The following PARD3B variants were observed in gnomAD, a reference collection of about 807,000 sequenced individuals.
The protein encoded by PARD3B is par-3 family cell polarity regulator beta.
Under a neutral mutation model 130.2 loss-of-function variants are expected in PARD3B, and 103 were observed. That is an observed-to-expected ratio of 0.79 (90% CI 0.67 to 0.93). The LOEUF is 0.93. Ranked by LOEUF, PARD3B falls within the 40% of genes least tolerant of loss-of-function variation. PARD3B has a pLI of 0.00. For synonymous variants in PARD3B, 583 were observed against 553.2 expected (o/e 1.05, Z -0.76); for missense variants, 1,609 against 1,499.2 (o/e 1.07, Z -1.21).
At position 205,130,128 on chromosome 2, in the gene PARD3B, C is replaced by T. The variant is rs139167039; in HGVS notation, c.1434+4391C>T. ...AAGATAATCTTTCCAGAATCCCATTCTGAAAGATCCTTTGGTGTCCTCACC... is the reference window on the plus strand; with the variant it reads ...AAGATAATCTTTCCAGAATCCCATTTTGAAAGATCCTTTGGTGTCCTCACC... On this transcript the variant is annotated intron_variant, in intron 10 of 22. Transcript: ENST00000406610. Among the ~76,000 whole-genome samples the T allele has an allele frequency of 3.0e-3, 452 of 152,262 alleles. 4 individuals are homozygous for T. The highest frequency in any genetic ancestry group is 0.011 in the African/African-American group (439 of 41,548).
intron 1 of PARD3B, among the ~76,000 whole-genome samples, chr2:204,683,308 GTCATAA>G (rs1253555815): frequency 6.6e-6 from 1 of 152,136 alleles, no homozygotes; most frequent in African/African-American, 2.4e-5. Context: ...CAAGTTAAGT[GTCATAA>G]TCATAAAAAT....
intron 1 of PARD3B, among the ~76,000 whole-genome samples, chr2:204,599,079 T>C (rs899684771): frequency 6.6e-6 from 1 of 152,030 alleles, no homozygotes; most frequent in Non-Finnish European, 1.5e-5. Flanking sequence ...ACATTGTTTT[T>C]TCTTTTTGCA....
At chr2:205,261,388 T>A (rs2105764105) in intron 16 of PARD3B, among the ~76,000 whole-genome samples, 1 of 152,296 alleles carries the variant, frequency 6.6e-6, no homozygotes, top group Admixed American at 6.5e-5. Context: ...CTTTGCAGAA[T>A]GAGTGAATGA....
At chr2:204,641,349 G>T (rs16836447) in intron 1 of PARD3B, among the ~76,000 whole-genome samples, 5,760 of 151,914 alleles carry the variant, frequency 0.038, 371 homozygotes, top group African/African-American at 0.13. Context: ...TGTGTTTTGG[G>T]GATAATGAAT....
intron 1 of PARD3B, among the ~76,000 whole-genome samples, chr2:204,591,360 A>G (rs2033066331): frequency 6.6e-6 from 1 of 152,314 alleles, no homozygotes; most frequent in East Asian, 1.9e-4. Flanking sequence ...TCTTTGGCCA[A>G]CCTCTGACCC....
chr2:204,935,144 T>TCC (rs1688319109), intron 2 of PARD3B, among the ~76,000 whole-genome samples: 1 of 121,808 alleles, frequency 8.2e-6, no homozygotes, highest in African/African-American at 3.0e-5. Context: ...TTGTTTTCCC[T>TCC]ACTTTTTTTT....
At chr2:204,882,621 C>T (rs1282561571) in intron 2 of PARD3B, among the ~76,000 whole-genome samples, 1 of 152,194 alleles carries the variant, frequency 6.6e-6, no homozygotes, top group Non-Finnish European at 1.5e-5. Context: ...CTATGGGCTA[C>T]AAACAAAGAG....
At chr2:205,074,701 G>A (rs1408161354) in intron 4 of PARD3B, among the ~76,000 whole-genome samples, 3 of 152,132 alleles carry the variant, frequency 2.0e-5, no homozygotes, top group Non-Finnish European at 4.4e-5. Context: ...ATTTACAAAT[G>A]TTGAGAGTGT....
intron 20 of PARD3B, among the ~76,000 whole-genome samples, chr2:205,490,333 A>G (rs563341870): frequency 1.3e-3 from 192 of 150,030 alleles, no homozygotes; most frequent in African/African-American, 4.5e-3. Flanking sequence ...CTCATTGTTC[A>G]ATTCCCACCT....
chr2:205,354,506 C>A (rs76974002), intron 18 of PARD3B, among the ~76,000 whole-genome samples: 91,241 of 151,320 alleles, frequency 0.6, 30,682 homozygotes, highest in South Asian at 0.77. Flanking sequence ...CTTTTTAGAG[C>A]TGGGGTCTCA....
At chr2:205,400,043 T>C (rs2046193192) in intron 18 of PARD3B, among the ~76,000 whole-genome samples, 1 of 152,150 alleles carries the variant, frequency 6.6e-6, no homozygotes, top group South Asian at 2.1e-4. Context: ...AGGTGTTCAA[T>C]AAGGCCTCTC....
At chr2:205,147,628 AT>A (rs1204685484) in intron 10 of PARD3B, among the ~76,000 whole-genome samples, 7 of 152,184 alleles carry the variant, frequency 4.6e-5, no homozygotes, top group Non-Finnish European at 8.8e-5. Flanking sequence ...ATGAAAAAAA[AT>A]GTCTGAATTA....
At chr2:204,670,486 A>G (rs111699550) in intron 1 of PARD3B, among the ~76,000 whole-genome samples, 1,937 of 152,120 alleles carry the variant, frequency 0.013, 38 homozygotes, top group African/African-American at 0.043. Context: ...GGTTTTTTCT[A>G]TTTTTCTCCA....
intron 2 of PARD3B, among the ~76,000 whole-genome samples, chr2:204,871,399 A>C (rs1204896637): frequency 2.0e-5 from 3 of 152,118 alleles, no homozygotes; most frequent in Non-Finnish European, 4.4e-5. Flanking sequence ...TTCAATTTTA[A>C]CTTTAGAAGT....
chr2:204,786,769 G>C (rs1430614790), intron 2 of PARD3B, among the ~76,000 whole-genome samples: 4 of 151,362 alleles, frequency 2.6e-5, no homozygotes, highest in Non-Finnish European at 5.9e-5. Flanking sequence ...GATGGTGTAT[G>C]ACATTACCAC....
chr2:205,056,207 CG>C lies in PARD3B; in HGVS notation c.504+8518del, dbSNP rs374063774. Among the ~76,000 whole-genome samples the C allele has an allele frequency of 8.8e-4, 132 of 150,704 alleles. 1 individual carries two copies. Among genetic ancestry groups the C allele is most frequent in the East Asian group, 4.5e-3 (23 of 5,138 alleles). On this transcript the variant is annotated intron_variant, in intron 4 of 22. Transcript: ENST00000406610. ...CATAGAACTCTCTTACGATAGGGGA[CG>C]TTTTTTTTTTTATCACAGCATAAAC...
intron 16 of PARD3B, among the ~76,000 whole-genome samples, chr2:205,298,318 C>A (rs1313076246): frequency 6.6e-6 from 1 of 152,120 alleles, no homozygotes; most frequent in African/African-American, 2.4e-5. Flanking sequence ...TACACCCAAA[C>A]CTCTGTGATG....
intron 2 of PARD3B, among the ~76,000 whole-genome samples, chr2:204,942,487 GAAACATTT>G (rs1688980340): frequency 6.6e-6 from 1 of 152,104 alleles, no homozygotes; most frequent in African/African-American, 2.4e-5. Flanking sequence ...GAGAATGTTT[GAAACATTT>G]CTGAATTCTG....
intron 1 of PARD3B, among the ~76,000 whole-genome samples, chr2:204,584,546 G>T (rs2032734082): frequency 6.6e-6 from 1 of 152,122 alleles, no homozygotes; most frequent in African/African-American, 2.4e-5. Context: ...TTACATTCTA[G>T]TGCAGTGGTC....
Sources: gnomAD v4.1 joint callset for allele counts (sites outside exome capture counted in the v4.1 genomes callset) on GRCh38, gnomAD v4.1.1 for gene constraint, MANE v1.5 for transcripts, NCBI Gene and HGNC (gene_info 2026-07-23, HGNC 2026-07-21) for gene names.